Variants in SOHLH1 observed in about 807,000 individuals in gnomAD.
SOHLH1 encodes the protein spermatogenesis- and oogenesis-specific basic helix-loop-helix-containing protein 1.
Under a neutral mutation model 36.2 loss-of-function variants are expected in SOHLH1, and 23 were observed. The ratio of observed to expected loss-of-function variants is 0.64; its 90% CI spans 0.46 to 0.90. SOHLH1 has a LOEUF of 0.90. Among genes scored for constraint, SOHLH1 ranks in the 40% least tolerant of loss-of-function variants. The pLI is 0.00. For missense variants in SOHLH1, 608 were observed against 517.0 expected (o/e 1.18, Z -1.71); for synonymous variants, 289 against 228.3 (o/e 1.27, Z -2.40).
At chr9:135,694,118 A>G in intron 7 of SOHLH1, 2 of 1,429,910 alleles carry the variant, frequency 1.4e-6, no homozygotes, top group South Asian at 1.5e-5. Flanking sequence ...CCTCGCTGAC[A>G]CAGGGTCAAG....
chr9:135,695,569 G>A (rs1292273264), intron 5 of SOHLH1, among the ~76,000 whole-genome samples: 6 of 152,088 alleles, frequency 3.9e-5, no homozygotes, highest in East Asian at 1.9e-4. Context: ...ACCGCCTCCC[G>A]GACCTCGAGC....
chr9:135,694,101 C>G lies in SOHLH1; in HGVS notation c.946+286G>C, dbSNP rs982478833. On this transcript the variant is annotated intron_variant, in intron 7 of 7. Coordinates refer to ENST00000425225, the MANE Select transcript of SOHLH1 (RefSeq NM_001101677.2). Reference sequence around the variant, plus strand: ...CCTTTGCCGGCCAGCACGGGCTGGACCAGGGGCCTCGCTGACACAGGGTCA... The same window carrying G: ...CCTTTGCCGGCCAGCACGGGCTGGAGCAGGGGCCTCGCTGACACAGGGTCA... 6 of 1,429,106 alleles carry G rather than the reference C, an allele frequency of 4.2e-6. No individual in the cohort carries two copies. The Admixed American group carries it at 1.7e-4, about 41-fold the overall frequency. 88.5% of individuals were successfully genotyped at this position (1,429,106 alleles called of 1,614,324 possible). A position where few individuals can be genotyped will look rare whatever the true frequency, so the allele number is the denominator to read the frequency against.
upstream of SOHLH1, among the ~76,000 whole-genome samples, chr9:135,700,804 C>T (rs1349735603): frequency 2.0e-5 from 3 of 152,054 alleles, no homozygotes; most frequent in Admixed American, 6.5e-5. Context: ...CAAAAGCTCT[C>T]GGGGACCTGG....
intron 5 of SOHLH1, 77 bp downstream of exon 5, chr9:135,696,535 A>AT: frequency 6.5e-7 from 1 of 1,536,246 alleles, no homozygotes; most frequent in Non-Finnish European, 8.8e-7. Context: ...AACAGCCCCC[A>AT]TTGTTCTTAG....
In SOHLH1 at chr9:135,699,034, G is replaced by C. The variant is rs749708914; in HGVS notation, c.158C>G (p.Ser53Cys). 15 of 1,611,618 alleles carry C rather than the reference G, an allele frequency of 9.3e-6. No individual in the cohort carries two copies. Among genetic ancestry groups the C allele is most frequent in the Non-Finnish European group, 1.1e-5 (13 of 1,179,746 alleles). The change falls in exon 2 of 8, where the codon TCC becomes TGC. Residue 53 changes from serine (S) to cysteine (C), a missense_variant. Ser to Cys is a moderately radical substitution (Grantham distance 112, BLOSUM62 -1). Coordinates refer to ENST00000425225, the MANE Select transcript of SOHLH1 (RefSeq NM_001101677.2). ...KAPTVAEGPSSCLRRNVISER... is the reference protein window; with the variant it reads ...KAPTVAEGPSCCLRRNVISER... ...GCTGATCACGTTCCGCCGAAGGCAG[G>C]AGCTGGGACCCTCGGCCACCGTAGG...
intron 6 of SOHLH1, 25 bp downstream of exon 6, chr9:135,695,025 G>A (rs754604776): frequency 3.2e-6 from 5 of 1,572,370 alleles, no homozygotes; most frequent in East Asian, 2.4e-5. Flanking sequence ...GCACACACAG[G>A]CGTGCACACC....
At chr9:135,697,885 C>T (rs1422210929) in intron 3 of SOHLH1, among the ~76,000 whole-genome samples, 1 of 152,174 alleles carries the variant, frequency 6.6e-6, no homozygotes, top group Non-Finnish European at 1.5e-5. Flanking sequence ...CAGATGACAA[C>T]ACAGTTTCAT....
chr9:135,697,697 A>G, intron 3 of SOHLH1, 70 bp from the exon 4 acceptor site: 2 of 1,558,896 alleles, frequency 1.3e-6, no homozygotes, highest in Non-Finnish European at 1.7e-6. Context: ...CACGGTGACA[A>G]GACTGCTACC....
chr9:135,693,449 A>T lies in SOHLH1; in HGVS notation c.*148T>A. ...AAACTGCTTTCCCTCTTTAATATTC[A>T]CTATCCTCTTCTCACAGCCTGTAAG... On this transcript the variant is annotated 3_prime_UTR_variant, in exon 8 of 8. Transcript: ENST00000425225. 1 of 1,138,612 alleles carries T rather than the reference A, an allele frequency of 8.8e-7. No homozygotes were observed. Among genetic ancestry groups the T allele is most frequent in the Admixed American group, 2.9e-5 (1 of 34,732 alleles). The allele number at this position is 1,138,612 out of a possible 1,614,324, so 70.5% of individuals were successfully genotyped here. A position where few individuals can be genotyped will look rare whatever the true frequency, so the allele number is the denominator to read the frequency against.
rs758832369 is a variant in SOHLH1, at chr9:135,697,548, G to A, written c.425C>T (p.Ala142Val). Reference sequence around the variant, plus strand: ...TCCCGTCCCAGGGTCTGGCACACCTGCTTGAATCTGACTCGACAACGTCAA... The same window carrying A: ...TCCCGTCCCAGGGTCTGGCACACCTACTTGAATCTGACTCGACAACGTCAA... Reference protein sequence around the residue: ...LQLTLSSQIQAGVPDPGTGAS... With the variant: ...LQLTLSSQIQVGVPDPGTGAS... The change falls in exon 4 of 8, where the codon GCA (alanine) becomes GTA (valine). Residue 142 changes from alanine (A) to valine (V), a missense_variant. Ala to Val is a moderately conservative substitution (Grantham distance 64). Transcript: ENST00000425225. 1.6e-5 allele frequency: 26 copies of A among 1,612,478 alleles called. No homozygotes were observed. The highest frequency in any genetic ancestry group is 1.6e-4 in the Middle Eastern group (1 of 6,080).
upstream of SOHLH1, among the ~76,000 whole-genome samples, chr9:135,701,705 C>T (rs1835039561): frequency 6.9e-6 from 1 of 145,388 alleles, no homozygotes; most frequent in African/African-American, 2.5e-5. Flanking sequence ...ATGCCGCAGC[C>T]TGCGGGGGGT....
At chr9:135,699,863 C>T (rs139416466), upstream of SOHLH1, among the ~76,000 whole-genome samples, 1 of 152,204 alleles carries the variant, frequency 6.6e-6, no homozygotes, top group Non-Finnish European at 1.5e-5. Flanking sequence ...GAGCCCAGCC[C>T]CTGGTGGGAG....
intron 5 of SOHLH1, 126 bp from the exon 6 acceptor site, chr9:135,695,389 C>G: frequency 1.2e-6 from 1 of 806,538 alleles, no homozygotes; most frequent in East Asian, 2.7e-5. Flanking sequence ...TGCCTGCACC[C>G]TGCAGCAGGG....
upstream of SOHLH1, chr9:135,702,101 G>GC (rs1012824427): frequency 3.4e-6 from 2 of 591,746 alleles, no homozygotes; most frequent in African/African-American, 4.0e-5. Flanking sequence ...CCGGCAGGGG[G>GC]CGCGCGCGGA....
intron 4 of SOHLH1, among the ~76,000 whole-genome samples, chr9:135,697,214 C>T (rs1022590888): frequency 1.3e-5 from 2 of 152,230 alleles, no homozygotes; most frequent in Non-Finnish European, 2.9e-5. Flanking sequence ...TCACTGACCA[C>T]CTGTAAATTC....
intron 5 of SOHLH1, 65 bp downstream of exon 5, chr9:135,696,547 G>C: frequency 6.3e-7 from 1 of 1,579,456 alleles, no homozygotes; most frequent in South Asian, 1.2e-5. Flanking sequence ...TGTTCTTAGG[G>C]CTAAAGCACA....
rs1834676739 is a variant in SOHLH1, at chr9:135,693,633, C to A, written c.1128G>T (p.Glu376Asp). The A allele has an allele frequency of 1.9e-6, 3 of 1,586,546 alleles. No homozygotes were observed. The highest frequency in any genetic ancestry group is 2.3e-5 in the East Asian group (1 of 43,186). The change falls in exon 8 of 8, where the codon GAG becomes GAT. Residue 376 changes from glutamate (E) to aspartate (D), a missense_variant. Physicochemically the swap from Glu to Asp is conservative, Grantham distance 45 (BLOSUM62 2). Transcript: ENST00000425225. Reference protein sequence around the residue: ...VDCAGLALKDEVESIFPDFFA... With the variant: ...VDCAGLALKDDVESIFPDFFA... ...AGAAGTCAGGGAAGATGCTCTCCAC[C>A]TCGTCCTTCAGGGCCAGGCCTGCAC...
Position 135,699,145 on chromosome 9 carries a change from G to A in SOHLH1, c.66-19C>T. The A allele has an allele frequency of 6.3e-7, 1 of 1,582,984 alleles. No individual in the cohort carries two copies. Among genetic ancestry groups the A allele is most frequent in the Non-Finnish European group, 8.6e-7 (1 of 1,168,086 alleles). On this transcript the variant is annotated intron_variant, in intron 1 of 7. Coordinates refer to ENST00000425225, the MANE Select transcript of SOHLH1 (RefSeq NM_001101677.2). ...GGAGCCGCTGCCGAGAAAGCCAAGA[G>A]CACCGGGCCCTGAGAACCCCAGAAA... is the stretch of plus-strand genomic sequence containing the variant.
At chr9:135,700,739 C>G (rs964421363), upstream of SOHLH1, among the ~76,000 whole-genome samples, 2 of 152,102 alleles carry the variant, frequency 1.3e-5, no homozygotes, top group Non-Finnish European at 2.9e-5. Flanking sequence ...ATCCCTGCTC[C>G]GCCCAGCCTT....
Sources: gnomAD v4.1 joint callset for allele counts (sites outside exome capture counted in the v4.1 genomes callset) on GRCh38, gnomAD v4.1.1 for gene constraint, MANE v1.5 for transcripts, NCBI Gene and HGNC (gene_info 2026-07-23, HGNC 2026-07-21) for gene names.